Variants in CEP128 observed in about 807,000 individuals in gnomAD.
The protein encoded by CEP128 is centrosomal protein 128, also known as centrosomal protein 128kDa.
Under a neutral mutation model 156.7 loss-of-function variants are expected in CEP128, and 132 were observed. The observed-to-expected ratio is 0.84, with a 90% CI of 0.73 to 0.97. CEP128 has a LOEUF of 0.97. Among genes scored for constraint, CEP128 ranks in the 50% least tolerant of loss-of-function variants. The pLI, the probability that CEP128 is intolerant of heterozygous loss-of-function variation, is 0.00. For synonymous variants in CEP128, 469 were observed against 448.9 expected (o/e 1.04, Z -0.57); for missense variants, 1,252 against 1,281.9 (o/e 0.98, Z 0.36).
chr14:80,522,721 T>C lies in CEP128; in HGVS notation c.3072+4148A>G, dbSNP rs567884006. On this transcript the variant is annotated intron_variant, in intron 23 of 24. Coordinates refer to ENST00000555265, the MANE Select transcript of CEP128 (RefSeq NM_152446.5). Reference sequence around the variant, plus strand: ...GTAATGCTGTGTTACTGGCTGACTTTTGAACATTCTGTTCTATTTGAAACA... The same window carrying C: ...GTAATGCTGTGTTACTGGCTGACTTCTGAACATTCTGTTCTATTTGAAACA... Among the ~76,000 whole-genome samples, 3 of 152,330 alleles carry C rather than the reference T, an allele frequency of 2.0e-5. No individual in the cohort carries two copies. The South Asian group carries it at 6.2e-4, about 32-fold the overall frequency.
intron 19 of CEP128, among the ~76,000 whole-genome samples, chr14:80,670,917 A>G (rs1895814460): frequency 6.6e-6 from 1 of 152,220 alleles, no homozygotes. Flanking sequence ...GATTTTACAC[A>G]TACTTTGTAT....
intron 16 of CEP128, among the ~76,000 whole-genome samples, chr14:80,766,433 C>T (rs543503378): frequency 6.6e-6 from 1 of 152,290 alleles, no homozygotes; most frequent in South Asian, 2.1e-4. Flanking sequence ...TCAGCATGCT[C>T]TTTACAACTC....
chr14:80,839,191 C>A (rs1228785982), intron 10 of CEP128, among the ~76,000 whole-genome samples: 1 of 152,180 alleles, frequency 6.6e-6, no homozygotes, highest in Admixed American at 6.5e-5. Context: ...GGATAGAACA[C>A]AAGTTTCTTA....
At chr14:80,943,888 G>T (rs1346142896), upstream of CEP128, among the ~76,000 whole-genome samples, 1 of 151,938 alleles carries the variant, frequency 6.6e-6, no homozygotes, top group Non-Finnish European at 1.5e-5. Context: ...CAGCTATTCG[G>T]CAGGCTGAAG....
chr14:80,666,289 C>G (rs1595177898), intron 19 of CEP128, among the ~76,000 whole-genome samples: 1 of 152,206 alleles, frequency 6.6e-6, no homozygotes, highest in South Asian at 2.1e-4. Context: ...GTGCCTGACT[C>G]TAGCCTATGG....
chr14:80,924,055 T>C (rs1037580762), intron 2 of CEP128, among the ~76,000 whole-genome samples: 1 of 152,212 alleles, frequency 6.6e-6, no homozygotes, highest in Non-Finnish European at 1.5e-5. Context: ...TCCCCAGTCA[T>C]GCGGAACTGT....
chr14:80,785,360 C>A lies in CEP128; in HGVS notation c.1746G>T (p.Lys582Asn). 1 of 1,614,128 alleles carries A rather than the reference C, an allele frequency of 6.2e-7. No individual in the cohort carries two copies. The highest frequency in any genetic ancestry group is 8.5e-7 in the Non-Finnish European group (1 of 1,179,994). ...GTCTATGGATGGTATCCAGGGAATTCTTAACTTCCAATTCAAGGTCAGCTT... is the reference window on the plus strand; with the variant it reads ...GTCTATGGATGGTATCCAGGGAATTATTAACTTCCAATTCAAGGTCAGCTT... ...SHQADLELEV[K>N]NSLDTIHRLE... The change falls in exon 15 of 25, where the codon AAG (lysine) becomes AAT (asparagine). Residue 582 changes from lysine to asparagine, a missense_variant. Transcript: ENST00000555265.
intron 4 of CEP128, among the ~76,000 whole-genome samples, chr14:80,908,094 G>T (rs182062636): frequency 7.2e-5 from 11 of 151,744 alleles, no homozygotes; most frequent in Non-Finnish European, 1.5e-4. Context: ...TGCCTTTTCA[G>T]CTCTGGCTAT....
intron 19 of CEP128, among the ~76,000 whole-genome samples, chr14:80,653,004 CA>C (rs1470364321): frequency 2.0e-5 from 3 of 152,256 alleles, no homozygotes; most frequent in South Asian, 4.1e-4. Context: ...GAATACTATG[CA>C]GCCATAAAAA....
At chr14:80,744,998 CA>C (rs1899027204) in intron 18 of CEP128, among the ~76,000 whole-genome samples, 1 of 152,190 alleles carries the variant, frequency 6.6e-6, no homozygotes, top group African/African-American at 2.4e-5. Flanking sequence ...CGGAATCCAG[CA>C]ACCTATAAAA....
chr14:80,599,177 GTTAA>G (rs1892470892), intron 19 of CEP128, among the ~76,000 whole-genome samples: 1 of 151,264 alleles, frequency 6.6e-6, no homozygotes, highest in South Asian at 2.1e-4. Context: ...ATTTTAATTG[GTTAA>G]TTAATTCCTC....
chr14:80,900,393 T>C (rs1011928558), intron 6 of CEP128, among the ~76,000 whole-genome samples: 1 of 152,202 alleles, frequency 6.6e-6, no homozygotes, highest in Non-Finnish European at 1.5e-5. Context: ...ATAGCGACTA[T>C]TCCAGGATTA....
At chr14:80,916,317 GCAA>G in intron 3 of CEP128, 81 bp downstream of exon 3, 1 of 1,095,846 alleles carries the variant, frequency 9.1e-7, no homozygotes, top group African/African-American at 1.6e-5. Context: ...TGTTACAGCA[GCAA>G]GAAAACTAAT....
chr14:80,896,029 T>G (rs1889336503), intron 7 of CEP128, among the ~76,000 whole-genome samples: 1 of 152,064 alleles, frequency 6.6e-6, no homozygotes, highest in African/African-American at 2.4e-5. Context: ...TTTCTAAAAT[T>G]CCTAAGTGAT....
intron 21 of CEP128, among the ~76,000 whole-genome samples, chr14:80,547,159 A>C (rs892814584): frequency 6.6e-6 from 1 of 152,212 alleles, no homozygotes; most frequent in Non-Finnish European, 1.5e-5. Context: ...GGGGCAGGCC[A>C]ACTCTTCAAC....
intron 19 of CEP128, among the ~76,000 whole-genome samples, chr14:80,737,647 C>G (rs564487252): frequency 6.6e-6 from 1 of 152,102 alleles, no homozygotes; most frequent in African/African-American, 2.4e-5. Flanking sequence ...CTCAGGAAAA[C>G]AAGGTCTAGG....
chr14:80,778,373 G>T (rs1900916543), intron 15 of CEP128, among the ~76,000 whole-genome samples: 1 of 152,142 alleles, frequency 6.6e-6, no homozygotes, highest in Non-Finnish European at 1.5e-5. Flanking sequence ...GGATATTTTG[G>T]AAATCCAAAG....
intron 19 of CEP128, among the ~76,000 whole-genome samples, chr14:80,656,028 A>T (rs1359121637): frequency 6.6e-6 from 1 of 151,644 alleles, no homozygotes; most frequent in Admixed American, 6.6e-5. Flanking sequence ...GCTTTACTAA[A>T]CATCCTTCCA....
intron 19 of CEP128, among the ~76,000 whole-genome samples, chr14:80,586,110 C>T (rs1229692043): frequency 2.7e-5 from 4 of 148,790 alleles, no homozygotes; most frequent in East Asian, 3.9e-4. Context: ...CCTAGGGTTG[C>T]TTTTTTTTTT....
Sources: allele counts gnomAD v4.1 joint callset (sites outside exome capture counted in the v4.1 genomes callset), GRCh38; gene constraint gnomAD v4.1.1; transcripts MANE v1.5; gene names NCBI Gene and HGNC (gene_info 2026-07-23, HGNC 2026-07-21).